MFAP3L: variants seen among roughly 807,000 people sequenced by gnomAD.
MFAP3L encodes the protein microfibril associated protein 3 like, also known as microfibrillar-associated protein 3-like.
In MFAP3L, 5 loss-of-function variants were observed where a neutral mutation model predicts 20.0. That is an observed-to-expected ratio of 0.25 (90% CI 0.13 to 0.53). The LOEUF is 0.53. Among genes scored for constraint, MFAP3L ranks in the 20% least tolerant of loss-of-function variants. MFAP3L has a pLI of 0.96. For synonymous variants in MFAP3L, 219 were observed against 213.0 expected, an observed-to-expected ratio of 1.03 and a Z score of -0.25; for missense variants, 409 against 527.5, an observed-to-expected ratio of 0.78 and a Z score of 2.20.
At chr4:169,998,502 ACAC>A (rs1473748121) in intron 2 of MFAP3L, among the ~76,000 whole-genome samples, 2 of 152,210 alleles carry the variant, frequency 1.3e-5, no homozygotes. Context: ...TTTTCTCCAA[ACAC>A]CACTTCTACT....
In MFAP3L at chr4:169,988,009, T is replaced by C. The variant is rs1737391125; in HGVS notation, c.*3369A>G. On this transcript the variant is annotated 3_prime_UTR_variant, in exon 3 of 3. Transcript: ENST00000361618. ...AGATGTCAGGTCTTTCAACCTTAGT[T>C]GTGAAAAACAAATGCTCATAAGCAT... 6.6e-6 allele frequency: 1 copy of C among 152,184 alleles called. No homozygotes were observed. Among genetic ancestry groups the C allele is most frequent in the Non-Finnish European group, 1.5e-5 (1 of 68,016 alleles). The allele number at this position is 152,184 out of a possible 1,614,324, so 9.4% of individuals were successfully genotyped here.
chr4:170,022,845 G>A (rs1340190219), intron 1 of MFAP3L, among the ~76,000 whole-genome samples: 1 of 152,160 alleles, frequency 6.6e-6, no homozygotes, highest in Non-Finnish European at 1.5e-5. Context: ...GCTTCCCAAA[G>A]GAACAAGGCC....
intron 2 of MFAP3L, chr4:170,002,322 C>A: frequency 1.2e-6 from 1 of 864,294 alleles, no homozygotes; most frequent in Non-Finnish European, 1.4e-6. Context: ...GGTTTCTCAT[C>A]TGTATACATG....
Position 169,989,322 on chromosome 4 carries a change from G to A in MFAP3L, c.*2056C>T, listed in dbSNP as rs1294698445. ...CAAGAGATGTCTCATCAAACTCCAT[G>A]ACTAGTTCTATCACCTTCCACAACA... On this transcript the variant is annotated 3_prime_UTR_variant, in exon 3 of 3. Coordinates refer to ENST00000361618, the MANE Select transcript of MFAP3L (RefSeq NM_021647.8). 2 of 152,130 alleles carry A rather than the reference G, an allele frequency of 1.3e-5. No homozygotes were observed. The highest frequency in any genetic ancestry group is 2.9e-5 in the Non-Finnish European group (2 of 68,026). The allele number at this position is 152,130 out of a possible 1,614,324, so 9.4% of individuals were successfully genotyped here.
chr4:169,990,093 T>C lies in MFAP3L; in HGVS notation c.*1285A>G, dbSNP rs1737551559. The C allele has an allele frequency of 6.6e-6, 1 of 152,248 alleles. No homozygotes were observed. The allele number at this position is 152,248 out of a possible 1,614,324, so 9.4% of individuals were successfully genotyped here. On this transcript the variant is annotated 3_prime_UTR_variant, in exon 3 of 3. Coordinates refer to ENST00000361618, the MANE Select transcript of MFAP3L (RefSeq NM_021647.8). Reference sequence around the variant, plus strand: ...TCATGTCATCTGCCCCTTCTACAGATAAGGGACCTGAGGTCCAGACTTGTC... The same window carrying C: ...TCATGTCATCTGCCCCTTCTACAGACAAGGGACCTGAGGTCCAGACTTGTC...
intron 2 of MFAP3L, among the ~76,000 whole-genome samples, chr4:169,998,031 A>T (rs554451696): frequency 6.6e-6 from 1 of 152,324 alleles, no homozygotes; most frequent in East Asian, 1.9e-4. Flanking sequence ...ATAATAATAA[A>T]AAAAATCTTT....
intron 1 of MFAP3L, among the ~76,000 whole-genome samples, chr4:170,016,781 G>C (rs1739727277): frequency 6.6e-6 from 1 of 152,106 alleles, no homozygotes; most frequent in South Asian, 2.1e-4. Context: ...AGACAGTTCT[G>C]GAAAATGTCT....
At chr4:170,008,137 G>A (rs929600696) in intron 1 of MFAP3L, among the ~76,000 whole-genome samples, 10 of 152,194 alleles carry the variant, frequency 6.6e-5, no homozygotes, top group African/African-American at 2.4e-4. Flanking sequence ...TTCTGAAATG[G>A]AATCTAGTTC....
Position 169,987,850 on chromosome 4 carries a change from A to T in MFAP3L, c.*3528T>A, listed in dbSNP as rs1737381947. 6.6e-6 allele frequency: 1 copy of T among 152,226 alleles called. No individual in the cohort carries two copies. The highest frequency in any genetic ancestry group is 2.4e-5 in the African/African-American group (1 of 41,456). The allele number at this position is 152,226 out of a possible 1,614,324, so 9.4% of individuals were successfully genotyped here. ...GGTAAATTCATCCAGTCTTTCCATC[A>T]CATTGCTTTCTTGTTATCTCACATT... On this transcript the variant is annotated 3_prime_UTR_variant, in exon 3 of 3. Transcript: ENST00000361618.
chr4:170,016,526 GCCT>G (rs1327617114), intron 1 of MFAP3L, among the ~76,000 whole-genome samples: 2 of 152,148 alleles, frequency 1.3e-5, no homozygotes, highest in East Asian at 3.8e-4. Context: ...CCTCGACCCT[GCCT>G]TTGTCTTTAC....
At chr4:170,010,689 A>G (rs1285788738) in intron 1 of MFAP3L, among the ~76,000 whole-genome samples, 1 of 152,228 alleles carries the variant, frequency 6.6e-6, no homozygotes, top group Non-Finnish European at 1.5e-5. Flanking sequence ...TACACATAGC[A>G]TACAAAATAT....
intron 2 of MFAP3L, chr4:169,993,775 T>C (rs1034031279): frequency 7.9e-5 from 12 of 152,078 alleles, no homozygotes; most frequent in African/African-American, 2.9e-4. Context: ...GTTTCTGGTG[T>C]CCCTGAGTAA....
At chr4:169,998,966 T>C (rs1194759217) in intron 2 of MFAP3L, among the ~76,000 whole-genome samples, 2 of 152,228 alleles carry the variant, frequency 1.3e-5, no homozygotes, top group African/African-American at 4.8e-5. Context: ...CGTGCATATG[T>C]GTTTGTATCT....
intron 1 of MFAP3L, among the ~76,000 whole-genome samples, chr4:170,012,830 G>C (rs1739467066): frequency 6.6e-6 from 1 of 152,194 alleles, no homozygotes; most frequent in East Asian, 1.9e-4. Context: ...TATACACCCA[G>C]ACTTGCTGGA....
At chr4:170,015,270 C>T (rs1739626815) in intron 1 of MFAP3L, among the ~76,000 whole-genome samples, 1 of 152,198 alleles carries the variant, frequency 6.6e-6, no homozygotes, top group Non-Finnish European at 1.5e-5. Context: ...CTCCGAGCTT[C>T]AGACCCATCT....
intron 2 of MFAP3L, among the ~76,000 whole-genome samples, chr4:169,995,549 G>A (rs1326022154): frequency 6.6e-6 from 1 of 152,116 alleles, no homozygotes; most frequent in Non-Finnish European, 1.5e-5. Flanking sequence ...CATCCACACG[G>A]CACTTGTCCA....
chr4:169,990,191 A>G lies in MFAP3L; in HGVS notation c.*1187T>C, dbSNP rs1324631687. 6.6e-6 allele frequency: 1 copy of G among 152,214 alleles called. No homozygotes were observed. The highest frequency in any genetic ancestry group is 6.5e-5 in the Admixed American group (1 of 15,282). 9.4% of individuals were successfully genotyped at this position (152,214 alleles called of 1,614,324 possible). On this transcript the variant is annotated 3_prime_UTR_variant, in exon 3 of 3. Coordinates refer to ENST00000361618, the MANE Select transcript of MFAP3L (RefSeq NM_021647.8). ...ATGACTAATTTTGTCTTCTTTCCAT[A>G]ACATCACGCACCTCACATATAACCA...
In MFAP3L at chr4:169,988,241, AAATAT is replaced by A. The variant is rs765534700; in HGVS notation, c.*3132_*3136del. On this transcript the variant is annotated 3_prime_UTR_variant, in exon 3 of 3. Coordinates refer to ENST00000361618, the MANE Select transcript of MFAP3L (RefSeq NM_021647.8). ...GGATAGATGTGCCCTAGAGATATGA[AAATAT>A]AATATATAAAACAAAACCATTATAA... The A allele has an allele frequency of 7.2e-5, 11 of 152,318 alleles. No individual in the cohort carries two copies. Among genetic ancestry groups the A allele is most frequent in the South Asian group, 4.1e-4 (2 of 4,826 alleles). The allele number at this position is 152,318 out of a possible 1,614,324, so 9.4% of individuals were successfully genotyped here. A position where few individuals can be genotyped will look rare whatever the true frequency, so the allele number is the denominator to read the frequency against.
In MFAP3L at chr4:170,003,657, T is replaced by C. The variant is rs77775043; in HGVS notation, c.298+1923A>G. 1.7e-3 allele frequency: 1,709 copies of C among 984,834 alleles called. 1 individual carries two copies. Among genetic ancestry groups the C allele is most frequent in the Admixed American group, 2.0e-3 (32 of 16,280 alleles). The allele number at this position is 984,834 out of a possible 1,614,324, so 61.0% of individuals were successfully genotyped here. Reference sequence around the variant, plus strand: ...TCAGTGCCCCAACCCAGCTTTTTAATACCCAGGGATAACCTTTGCTTTAGG... The same window carrying C: ...TCAGTGCCCCAACCCAGCTTTTTAACACCCAGGGATAACCTTTGCTTTAGG... On this transcript the variant is annotated intron_variant, in intron 2 of 2. Coordinates refer to ENST00000361618, the MANE Select transcript of MFAP3L (RefSeq NM_021647.8).
Sources: gnomAD v4.1 joint callset for allele counts (sites outside exome capture counted in the v4.1 genomes callset) on GRCh38, gnomAD v4.1.1 for gene constraint, MANE v1.5 for transcripts, NCBI Gene and HGNC (gene_info 2026-07-23, HGNC 2026-07-21) for gene names.